Variants in TNRC6C observed in about 807,000 individuals in gnomAD.
TNRC6C encodes trinucleotide repeat containing adaptor 6C.
Under a neutral mutation model 153.7 loss-of-function variants are expected in TNRC6C, and 20 were observed. The observed-to-expected ratio is 0.13, with a 90% CI of 0.09 to 0.19. The LOEUF (loss-of-function observed/expected upper bound fraction) is 0.19, where lower values mean the gene tolerates loss of function less well. Among genes scored for constraint, TNRC6C ranks in the 10% least tolerant of loss-of-function variants. The pLI is 1.00. For synonymous variants in TNRC6C, 811 were observed against 841.4 expected (o/e 0.96, Z 0.63); for missense variants, 1,987 against 2,172.0 (o/e 0.91, Z 1.69).
chr17:78,093,862 C>T (rs770014203), intron 16 of TNRC6C, 99 bp downstream of exon 18: 78 of 1,478,690 alleles, frequency 5.3e-5, no homozygotes, highest in Non-Finnish European at 6.5e-5. Flanking sequence ...AGGGATGATA[C>T]AAGGCACAGT....
At chr17:77,969,258 AT>A (rs111768465) in intron 1 of TNRC6C, among the ~76,000 whole-genome samples, 53 of 148,174 alleles carry the variant, frequency 3.6e-4, no homozygotes, top group Middle Eastern at 3.4e-3. Context: ...TCTTTAATAA[AT>A]TTTTTTTTTT....
chr17:78,077,690 C>G, intron 9 of TNRC6C: 1 of 238,692 alleles, frequency 4.2e-6, no homozygotes, highest in Non-Finnish European at 8.1e-6. Flanking sequence ...CTCATGGCAA[C>G]CAAAACGACG....
chr17:78,043,706 C>T (rs2072346810), intron 2 of TNRC6C, among the ~76,000 whole-genome samples: 2 of 152,056 alleles, frequency 1.3e-5, no homozygotes, highest in Admixed American at 6.5e-5. Flanking sequence ...CCCATTAACC[C>T]TTCTCCACTT....
At chr17:77,958,243 G>C (rs2070825218), upstream of TNRC6C, among the ~76,000 whole-genome samples, 1 of 151,968 alleles carries the variant, frequency 6.6e-6, no homozygotes. Context: ...CGGACGCGCA[G>C]AACCGGATCG....
At chr17:78,091,912 G>A (rs2073401049) in intron 14 of TNRC6C, among the ~76,000 whole-genome samples, 1 of 152,116 alleles carries the variant, frequency 6.6e-6, no homozygotes, top group South Asian at 2.1e-4. Flanking sequence ...AAAAACTTGA[G>A]TCTGCTGAAA....
intron 1 of TNRC6C, among the ~76,000 whole-genome samples, chr17:77,967,232 C>G (rs973562004): frequency 6.6e-6 from 1 of 151,948 alleles, no homozygotes. Flanking sequence ...CAGATTAATG[C>G]TTTGCAAAAA....
exon 20 of TNRC6C, chr17:78,107,232 T>C (rs1014683310): frequency 1.3e-5 from 2 of 152,210 alleles, no homozygotes; most frequent in Non-Finnish European, 2.9e-5. Flanking sequence ...TTTGTTTGTT[T>C]TTGGGTTTTG....
chr17:77,965,300 T>C (rs2070888756), intron 1 of TNRC6C, among the ~76,000 whole-genome samples: 1 of 152,230 alleles, frequency 6.6e-6, no homozygotes, highest in Non-Finnish European at 1.5e-5. Context: ...CTGTTCTGTG[T>C]CCTGCTATCC....
rs1298303551 is a variant in TNRC6C at position 78,050,164 on chromosome 17, G to A, written c.1102G>A (p.Val368Ile). 3 of 1,574,520 alleles carry A rather than the reference G, an allele frequency of 1.9e-6. No individual in the cohort carries two copies. The African/African-American group carries it at 4.1e-5, about 21-fold the overall frequency. The change falls in exon 3 of 20, where the codon GTC becomes ATC. Residue 368 changes from valine (V) to isoleucine (I), a missense_variant. Transcript: ENST00000301624. ...ATCAACAGGGTGGGAGAGTCCTAGTGTCACCAGCCAGAACCCTACCGTACA... is the reference window on the plus strand; with the variant it reads ...ATCAACAGGGTGGGAGAGTCCTAGTATCACCAGCCAGAACCCTACCGTACA...
intron 5 of TNRC6C, among the ~76,000 whole-genome samples, chr17:78,069,943 T>C (rs2144272933): frequency 6.6e-6 from 1 of 152,332 alleles, no homozygotes; most frequent in East Asian, 1.9e-4. Flanking sequence ...CTATGAGTAG[T>C]GCCTCTTCGA....
chr17:77,990,360 C>T (rs2071231053), intron 1 of TNRC6C, among the ~76,000 whole-genome samples: 1 of 152,192 alleles, frequency 6.6e-6, no homozygotes, highest in Non-Finnish European at 1.5e-5. Flanking sequence ...TCTTCATTGG[C>T]TTCTCATTGC....
upstream of TNRC6C, among the ~76,000 whole-genome samples, chr17:77,958,409 C>A (rs746769736): frequency 4.6e-5 from 7 of 152,022 alleles, no homozygotes; most frequent in East Asian, 7.8e-4. Context: ...TCGGAGCGCG[C>A]ACCGCTCGCA....
chr17:78,050,540 A>G, exon 3 of TNRC6C: 1 of 1,613,870 alleles, frequency 6.2e-7, no homozygotes, highest in Non-Finnish European at 8.5e-7. Flanking sequence ...GGGGGGAAGA[A>G]CGATGGGTCC....
At chr17:78,067,898 A>T (rs777061767) in exon 5 of TNRC6C, 9 of 1,612,296 alleles carry the variant, frequency 5.6e-6, no homozygotes, top group Non-Finnish European at 2.5e-6. Flanking sequence ...TCCTGGGGGA[A>T]CGCCCCCAAA....
rs1204391711 is a variant in TNRC6C, at chr17:78,102,324, A to G, written c.4502-150A>G. ...TGTGAGGTTTTGGTTTACCAAAGAT[A>G]GCATGGGCCTCCCAGGCTGAGAAAG... On this transcript the variant is annotated intron_variant, in intron 17 of 19. Transcript: ENST00000301624. The G allele has an allele frequency of 1.1e-5, 7 of 661,748 alleles. No individual in the cohort carries two copies. In the East Asian group the frequency reaches 2.1e-4, roughly 20 times the overall value. The allele number at this position is 661,748 out of a possible 1,614,324, so 41.0% of individuals were successfully genotyped here. A position where few individuals can be genotyped will look rare whatever the true frequency, so the allele number is the denominator to read the frequency against.
chr17:77,976,619 A>C (rs928186819), intron 1 of TNRC6C, among the ~76,000 whole-genome samples: 1 of 152,154 alleles, frequency 6.6e-6, no homozygotes, highest in African/African-American at 2.4e-5. Context: ...ATATATAGTC[A>C]CTAAGTCACT....
intron 3 of TNRC6C, among the ~76,000 whole-genome samples, chr17:78,054,773 T>G (rs1215504331): frequency 6.9e-6 from 1 of 145,704 alleles, no homozygotes; most frequent in East Asian, 2.7e-4. Context: ...TGTACACTAC[T>G]ATACATTACT....
Position 78,079,477 on chromosome 17 carries a change from T to C in TNRC6C, c.3293T>C (p.Val1098Ala), listed in dbSNP as rs1394166250. 4.3e-6 allele frequency: 7 copies of C among 1,613,750 alleles called. No individual in the cohort carries two copies. Among genetic ancestry groups the C allele is most frequent in the Non-Finnish European group, 5.9e-6 (7 of 1,179,876 alleles). ...ATGCAGCAGCCGCCACAGCCACCAG[T>C]GCAGCCTCTTAACTCTTCCCAGCCC... The change falls in exon 10 of 20, where the codon GTG (valine) becomes GCG (alanine). Residue 1098 changes from valine to alanine, a missense_variant. Coordinates refer to ENST00000301624, the Ensembl canonical transcript of TNRC6C. This position sits in a 1 kb window ranked among gnomAD's most constrained non-coding sequence, Gnocchi z 4.3.
intron 2 of TNRC6C, among the ~76,000 whole-genome samples, chr17:78,045,933 AT>A (rs1342108378): frequency 1.3e-5 from 2 of 151,852 alleles, no homozygotes; most frequent in African/African-American, 2.4e-5. Context: ...TAAAAATGTT[AT>A]AGGTATCATC....
Sources: gnomAD v4.1 joint callset for allele counts (sites outside exome capture counted in the v4.1 genomes callset) on GRCh38, gnomAD v4.1.1 for gene constraint, Gnocchi (gnomAD v3.1) non-coding constraint, MANE v1.5 for transcripts, NCBI Gene and HGNC (gene_info 2026-07-23, HGNC 2026-07-21) for gene names.